The following INTS4 variants were observed in gnomAD, a reference collection of about 807,000 sequenced individuals.
INTS4 encodes the protein MSTP093.
Under a neutral mutation model 119.5 loss-of-function variants are expected in INTS4, and 70 were observed. That is an observed-to-expected ratio of 0.59 (90% confidence interval 0.48 to 0.71). The LOEUF is 0.71. INTS4 is among the 30% of genes least tolerant of loss of function. The probability of loss-of-function intolerance (pLI) is 0.00; values close to 1 mark genes in which losing one functional copy is unlikely to be tolerated. For missense variants in INTS4, 867 were observed against 1,173.2 expected, an observed-to-expected ratio of 0.74 and a Z score of 3.81; for synonymous variants, 316 against 419.6, an observed-to-expected ratio of 0.75 and a Z score of 3.02.
intron 5 of INTS4, 108 bp downstream of exon 5, chr11:77,960,845 T>C (rs1954452130): frequency 2.0e-6 from 2 of 1,016,472 alleles, no homozygotes; most frequent in South Asian, 1.9e-5. Context: ...AATACCCTCC[T>C]GAAAGTATAT....
chr11:77,910,195 A>G (rs1214922889), intron 15 of INTS4, among the ~76,000 whole-genome samples: 5 of 152,156 alleles, frequency 3.3e-5, no homozygotes, highest in Admixed American at 1.3e-4. Flanking sequence ...AACCAAGCCA[A>G]ATGTCCAACA....
intron 21 of INTS4, among the ~76,000 whole-genome samples, chr11:77,889,686 C>T (rs1952178919): frequency 6.6e-6 from 1 of 152,078 alleles, no homozygotes; most frequent in Admixed American, 6.6e-5. Flanking sequence ...CTATTGAGCA[C>T]CTGAAGTAGT....
intron 21 of INTS4, among the ~76,000 whole-genome samples, chr11:77,889,589 G>A (rs1046041638): frequency 3.3e-5 from 5 of 152,118 alleles, no homozygotes; most frequent in African/African-American, 4.8e-5. Context: ...GAGTTCTGCA[G>A]GGTTTGCTTT....
chr11:77,991,997 G>A (rs1489850649), intron 1 of INTS4, among the ~76,000 whole-genome samples: 1 of 151,880 alleles, frequency 6.6e-6, no homozygotes, highest in Non-Finnish European at 1.5e-5. Flanking sequence ...GCTAATTTTT[G>A]TATTTCTAGT....
intron 15 of INTS4, among the ~76,000 whole-genome samples, chr11:77,913,845 A>G (rs935396741): frequency 6.6e-6 from 1 of 152,172 alleles, no homozygotes; most frequent in African/African-American, 2.4e-5. Flanking sequence ...TCATACTAAC[A>G]AATACATGGC....
chr11:77,991,319 T>G lies in INTS4; in HGVS notation c.55-20A>C, dbSNP rs866975073. The G allele has an allele frequency of 1.9e-6, 3 of 1,590,816 alleles. No individual in the cohort carries two copies. In the African/African-American group the frequency reaches 4.0e-5, roughly 21 times the overall value. On this transcript the variant is annotated intron_variant, in intron 1 of 22. Coordinates refer to ENST00000534064, the MANE Select transcript of INTS4 (RefSeq NM_033547.4). ...CTGTGGCTGCAAGGGGTAGAGAAAATCGAAAACACAGAATCTGCAAATTTA... is the reference window on the plus strand; with the variant it reads ...CTGTGGCTGCAAGGGGTAGAGAAAAGCGAAAACACAGAATCTGCAAATTTA...
At chr11:77,894,245 AT>A (rs1339229233) in intron 19 of INTS4, 44 bp downstream of exon 19, 2 of 1,038,480 alleles carry the variant, frequency 1.9e-6, no homozygotes, top group Admixed American at 2.0e-5. Flanking sequence ...GCTATACTCC[AT>A]GTAACCAAGA....
At chr11:77,934,654 C>T (rs1169562658) in intron 10 of INTS4, among the ~76,000 whole-genome samples, 3 of 151,820 alleles carry the variant, frequency 2.0e-5, no homozygotes, top group Non-Finnish European at 2.9e-5. Flanking sequence ...GTTGTAGAAA[C>T]GAAACAAAGC....
At chr11:77,886,658 G>C (rs986897119) in intron 21 of INTS4, among the ~76,000 whole-genome samples, 6 of 152,188 alleles carry the variant, frequency 3.9e-5, no homozygotes, top group African/African-American at 1.4e-4. Context: ...AATGGGCTTG[G>C]CGGAATCAGC....
intron 2 of INTS4, among the ~76,000 whole-genome samples, chr11:77,988,105 T>G (rs1201923165): frequency 6.6e-6 from 1 of 152,212 alleles, no homozygotes; most frequent in Non-Finnish European, 1.5e-5. Context: ...CTGATTTTAT[T>G]CACGTAAAAC....
At chr11:77,955,659 C>G (rs1591104175) in intron 8 of INTS4, among the ~76,000 whole-genome samples, 1 of 152,260 alleles carries the variant, frequency 6.6e-6, no homozygotes, top group East Asian at 1.9e-4. Context: ...CCATGCCCAG[C>G]TAATTTTTGT....
intron 8 of INTS4, among the ~76,000 whole-genome samples, chr11:77,949,886 T>C (rs555457027): frequency 1.3e-5 from 2 of 152,280 alleles, no homozygotes; most frequent in African/African-American, 2.4e-5. Flanking sequence ...CAAAGGATTA[T>C]AAATCATTCT....
intron 8 of INTS4, among the ~76,000 whole-genome samples, chr11:77,955,165 C>G (rs1954287867): frequency 6.6e-6 from 1 of 151,934 alleles, no homozygotes; most frequent in African/African-American, 2.4e-5. Context: ...AAAGCAAGAC[C>G]CCATGTCTAC....
chr11:77,971,324 T>C (rs1342388727), intron 4 of INTS4, among the ~76,000 whole-genome samples: 1 of 152,160 alleles, frequency 6.6e-6, no homozygotes, highest in African/African-American at 2.4e-5. Flanking sequence ...ATTTTTATTA[T>C]TGGGTTGTAA....
At chr11:77,947,855 T>C (rs1954084873) in intron 8 of INTS4, among the ~76,000 whole-genome samples, 1 of 152,194 alleles carries the variant, frequency 6.6e-6, no homozygotes, top group East Asian at 1.9e-4. Context: ...GACTTTTTTT[T>C]TCCCCCTTGA....
In INTS4 at chr11:77,907,137, C is replaced by T. The variant is rs138839702; in HGVS notation, c.2016+580G>A. 1.9e-3 allele frequency among the ~76,000 whole-genome samples: 293 copies of T among 152,250 alleles called. 4 individuals are homozygous for T. The highest frequency in any genetic ancestry group is 6.8e-3 in the African/African-American group (282 of 41,554). On this transcript the variant is annotated intron_variant, in intron 16 of 22. Transcript: ENST00000534064. ...ACAGGATCTTGGTCTGTCATCCAGGCTGGAGTGCAATCTCACTGCAGCCTT... is the reference window on the plus strand; with the variant it reads ...ACAGGATCTTGGTCTGTCATCCAGGTTGGAGTGCAATCTCACTGCAGCCTT...
At chr11:77,933,270 G>A (rs975190078) in intron 10 of INTS4, among the ~76,000 whole-genome samples, 8 of 150,734 alleles carry the variant, frequency 5.3e-5, no homozygotes, top group African/African-American at 7.3e-5. Context: ...CTCTGATGCC[G>A]AGCCCGAAGC....
At chr11:77,961,231 A>C in intron 4 of INTS4, 93 bp from the exon 5 acceptor site, 1 of 1,400,110 alleles carries the variant, frequency 7.1e-7, no homozygotes. Flanking sequence ...CAGAAACAAA[A>C]GCATTGCAGC....
At chr11:77,884,715 C>A in intron 21 of INTS4, 1 of 300,106 alleles carries the variant, frequency 3.3e-6, no homozygotes, top group South Asian at 2.8e-5. Context: ...CTTCATCTCT[C>A]CTCAGGTCAT....
Sources: gnomAD v4.1 joint callset for allele counts (sites outside exome capture counted in the v4.1 genomes callset) on GRCh38, gnomAD v4.1.1 for gene constraint, MANE v1.5 for transcripts, NCBI Gene and HGNC (gene_info 2026-07-23, HGNC 2026-07-21) for gene names.